Variants in RYK observed in about 807,000 individuals in gnomAD.
The protein encoded by RYK is inactive tyrosine-protein kinase RYK.
A neutral mutation model predicts 70.2 loss-of-function variants in RYK; 21 were observed. The observed-to-expected ratio is 0.30, with a 90% CI of 0.21 to 0.43. RYK has a LOEUF of 0.43. Ranked by LOEUF, RYK falls within the 20% of genes least tolerant of loss-of-function variation. The pLI is 1.00. For synonymous variants in RYK, 267 were observed against 278.0 expected (o/e 0.96, Z 0.39); for missense variants, 604 against 753.3 (o/e 0.80, Z 2.32).
rs775215315 is a variant in RYK at position 134,178,032 on chromosome 3, T to C, written c.1214A>G (p.Glu405Gly). The C allele has an allele frequency of 6.2e-7, 1 of 1,603,678 alleles. No homozygotes were observed. Among genetic ancestry groups the C allele is most frequent in the South Asian group, 1.1e-5 (1 of 89,996 alleles). The change falls in exon 11 of 15, where the codon GAA becomes GGA. Residue 405 changes from glutamate (E) to glycine (G), a missense_variant. Physicochemically the swap from Glu to Gly is moderately conservative, Grantham distance 98. Transcript: ENST00000623711. Reference sequence around the variant, plus strand: ...GTAAGGCAATATCACCATGGGCTTTTCTCCTTCTTCTATACACACATGAGT... The same window carrying C: ...GTAAGGCAATATCACCATGGGCTTTCCTCCTTCTTCTATACACACATGAGT... ...PITHVCIEEGEKPMVILPYMN... is the reference protein window; with the variant it reads ...PITHVCIEEGGKPMVILPYMN...
intron 9 of RYK, among the ~76,000 whole-genome samples, chr3:134,187,774 G>A (rs867015985): frequency 1.2e-4 from 17 of 147,722 alleles, no homozygotes; most frequent in African/African-American, 3.3e-4. Context: ...CGCCCAGGCC[G>A]ATCTTGAACT....
At chr3:134,234,474 C>T (rs1483689307) in intron 1 of RYK, among the ~76,000 whole-genome samples, 2 of 152,030 alleles carry the variant, frequency 1.3e-5, no homozygotes, top group Non-Finnish European at 2.9e-5. Context: ...TTTCCACATG[C>T]AACATTTGAC....
intron 8 of RYK, among the ~76,000 whole-genome samples, chr3:134,189,760 A>C (rs980813178): frequency 7.9e-5 from 10 of 126,662 alleles, no homozygotes; most frequent in Non-Finnish European, 1.7e-4. Context: ...AAAAAAAAAA[A>C]CAAAAAACAA....
chr3:134,222,110 C>T (rs2014757092), intron 2 of RYK, among the ~76,000 whole-genome samples: 1 of 152,158 alleles, frequency 6.6e-6, no homozygotes. Flanking sequence ...GCAGCACAGG[C>T]ATTATTGGGT....
intron 1 of RYK, among the ~76,000 whole-genome samples, chr3:134,249,916 C>CTTTTTTTTTTTTT (rs1559770716): frequency 3.5e-5 from 3 of 86,596 alleles, no homozygotes; most frequent in African/African-American, 2.4e-4. Context: ...CTTTCTCTCT[C>CTTTTTTTTTTTTT]GTTTTTTTTT....
At chr3:134,174,459 T>A (rs11927316) in intron 13 of RYK, among the ~76,000 whole-genome samples, 13,892 of 152,122 alleles carry the variant, frequency 0.091, 1,300 homozygotes, top group South Asian at 0.32. Flanking sequence ...GCCCTAAATT[T>A]TAAAATATAG....
At chr3:134,159,539 C>T (rs1474728323) in intron 13 of RYK, among the ~76,000 whole-genome samples, 166 bp from the exon 14 acceptor site, 1 of 152,080 alleles carries the variant, frequency 6.6e-6, no homozygotes, top group Non-Finnish European at 1.5e-5. Flanking sequence ...GTTTCCCTTG[C>T]TAAGATAAAA....
At chr3:134,237,086 C>T (rs759958640) in intron 1 of RYK, among the ~76,000 whole-genome samples, 9 of 152,244 alleles carry the variant, frequency 5.9e-5, no homozygotes, top group Non-Finnish European at 1.0e-4. Flanking sequence ...TCTTGCAAAA[C>T]TCTTAAGGCT....
rs147810428 is a variant in RYK, at chr3:134,198,914, G to C, written c.789-3732C>G. ...GCATGGGGGCGGTGGTGGGGATAAT[G>C]GAAACTGGAAGAGAAAAATTAAGAT... On this transcript the variant is annotated intron_variant, in intron 6 of 14. Transcript: ENST00000623711. Among the ~76,000 whole-genome samples, 45 of 152,230 alleles carry C rather than the reference G, an allele frequency of 3.0e-4. No homozygotes were observed. In the East Asian group the frequency reaches 8.5e-3, roughly 29 times the overall value.
At chr3:134,201,890 GA>G (rs1223101376) in intron 6 of RYK, among the ~76,000 whole-genome samples, 2 of 152,134 alleles carry the variant, frequency 1.3e-5, no homozygotes, top group African/African-American at 4.8e-5. Flanking sequence ...AGGGAAGTAA[GA>G]AGTGTTTGTT....
intron 11 of RYK, among the ~76,000 whole-genome samples, chr3:134,176,319 TA>T (rs2013098981): frequency 6.6e-6 from 1 of 152,232 alleles, no homozygotes; most frequent in South Asian, 2.1e-4. Context: ...AGCTGCTCAA[TA>T]CATCTGTTCA....
intron 7 of RYK, among the ~76,000 whole-genome samples, chr3:134,193,419 A>G (rs1449037476): frequency 5.3e-5 from 8 of 152,138 alleles, no homozygotes; most frequent in South Asian, 4.1e-4. Context: ...TCCTGACCTC[A>G]TGATCCGCCC....
At position 134,191,877 on chromosome 3, in the gene RYK, C is replaced by A; in HGVS notation, c.987G>T (p.Arg329Ser). The A allele has an allele frequency of 1.2e-6, 2 of 1,611,282 alleles. No homozygotes were observed. The highest frequency in any genetic ancestry group is 4.5e-5 in the East Asian group (2 of 44,758). Residue 329 changes from arginine to serine, a missense_variant, in exon 8 of 15, where the codon AGG (arginine) becomes AGT (serine). Around this residue, in one of 2 missense-constraint regions of RYK, gnomAD observed 466 missense variants for 535.9 expected, o/e 0.87. Coordinates refer to ENST00000623711, the MANE Select transcript of RYK (RefSeq NM_002958.4). The part of the protein sequence containing the change: ...KVKDIAISRE[R>S]ITLKDVLQEG... ...CTTGGAGTACATCTTTTAGAGTTAT[C>A]CTCTCTCTGGATATTGCTATATCCT...
At chr3:134,191,199 C>T (rs2013631011) in intron 8 of RYK, among the ~76,000 whole-genome samples, 1 of 152,186 alleles carries the variant, frequency 6.6e-6, no homozygotes, top group African/African-American at 2.4e-5. Context: ...CTTCTTCTTT[C>T]AGCATCTCCC....
At chr3:134,246,577 T>C (rs1307918156) in intron 1 of RYK, among the ~76,000 whole-genome samples, 1 of 152,238 alleles carries the variant, frequency 6.6e-6, no homozygotes, top group East Asian at 1.9e-4. Context: ...AGAATGGCTT[T>C]GGACTTTTCA....
At chr3:134,212,559 A>G (rs1277674807) in intron 2 of RYK, among the ~76,000 whole-genome samples, 1 of 152,222 alleles carries the variant, frequency 6.6e-6, no homozygotes, top group Non-Finnish European at 1.5e-5. Context: ...GAGAAGAAAG[A>G]TGTTCGATAA....
intron 6 of RYK, among the ~76,000 whole-genome samples, chr3:134,199,290 T>C (rs2013911783): frequency 1.3e-5 from 2 of 152,258 alleles, no homozygotes; most frequent in Admixed American, 1.3e-4. Flanking sequence ...CTACCATCCC[T>C]TTCTAATGAA....
intron 10 of RYK, 55 bp downstream of exon 10, chr3:134,182,947 T>C: frequency 9.5e-7 from 1 of 1,051,956 alleles, no homozygotes; most frequent in Non-Finnish European, 1.4e-6. Context: ...CATAAAAATG[T>C]GGCATCAAGT....
chr3:134,237,028 A>AT (rs1461743019), intron 1 of RYK, among the ~76,000 whole-genome samples: 1 of 152,154 alleles, frequency 6.6e-6, no homozygotes, highest in Non-Finnish European at 1.5e-5. Flanking sequence ...TTTTTTCAAA[A>AT]TTTTATTTTT....
Sources: gnomAD v4.1 joint callset for allele counts (sites outside exome capture counted in the v4.1 genomes callset) on GRCh38, gnomAD v4.1.1 for gene constraint, gnomAD v4.1.1 regional missense constraint, MANE v1.5 for transcripts, NCBI Gene and HGNC (gene_info 2026-07-23, HGNC 2026-07-21) for gene names.